MMP26: variants seen among roughly 807,000 people sequenced by gnomAD.
MMP26 encodes the protein matrix metallopeptidase 26, also known as matrix metalloproteinase-26.
In MMP26, 33 loss-of-function variants were observed where a neutral mutation model predicts 31.0. That is an observed-to-expected ratio of 1.06 (90% confidence interval 0.81 to 1.42). The LOEUF is 1.42. Among genes scored for constraint, MMP26 ranks in the 40% most tolerant of loss-of-function variants. MMP26 has a pLI of 0.00. For missense variants in MMP26, 347 were observed against 316.1 expected, an observed-to-expected ratio of 1.10 and a Z score of -0.74; for synonymous variants, 122 against 114.9, an observed-to-expected ratio of 1.06 and a Z score of -0.40.
intron 2 of MMP26, among the ~76,000 whole-genome samples, chr11:4,792,977 T>C (rs777192155): frequency 3.3e-5 from 5 of 152,138 alleles, no homozygotes; most frequent in Non-Finnish European, 7.4e-5. Flanking sequence ...AACAAGCAAC[T>C]AAAATTAGAG....
Position 4,907,095 on chromosome 11 carries a change from T to TAAAAAA in MMP26, c.-144-80958_-144-80953dup, listed in dbSNP as rs3065178. Among the ~76,000 whole-genome samples the TAAAAAA allele has an allele frequency of 9.1e-4, 50 of 55,122 alleles. 2 individuals carry two copies. The highest frequency in any genetic ancestry group is 2.7e-3 in the African/African-American group (41 of 15,274). The allele number at this position is 55,122 out of a possible 152,430, so 36.2% of individuals were successfully genotyped here. On this transcript the variant is annotated intron_variant, in intron 2 of 7. Transcript: ENST00000380390. ...TGGGCAACAAGAGCAAAACTCCCTC[T>TAAAAAA]AAAAAAAAAAAAAAAAAAAATCCTA...
rs145824671 is a variant in MMP26, at chr11:4,823,846, A to T, written c.-145+56505A>T. Among the ~76,000 whole-genome samples the T allele has an allele frequency of 4.3e-3, 651 of 152,286 alleles. 4 individuals are homozygous for T. The highest frequency in any genetic ancestry group is 0.013 in the African/African-American group (543 of 41,570). On this transcript the variant is annotated intron_variant, in intron 2 of 7. Coordinates refer to ENST00000380390, the MANE Select transcript of MMP26 (RefSeq NM_021801.5). ...TAACCACAAGTAAAGCCGAAAAATT[A>T]TTGGGCTGACTATGAGATAAACGTT... is the stretch of plus-strand genomic sequence containing the variant.
At chr11:4,889,863 T>C (rs1227087332) in intron 2 of MMP26, 1 of 162,458 alleles carries the variant, frequency 6.2e-6, no homozygotes, top group Non-Finnish European at 1.4e-5. Flanking sequence ...CCAATTCCCA[T>C]GATCGTCTTC....
At chr11:4,761,812 TGCC>T (rs1848571727) in intron 1 of MMP26, among the ~76,000 whole-genome samples, 2 of 152,200 alleles carry the variant, frequency 1.3e-5, no homozygotes, top group African/African-American at 4.8e-5. Context: ...AATAGCATAA[TGCC>T]AGTTCCATAG....
At position 4,723,238 on chromosome 11, in the gene MMP26, C is replaced by T. The variant is rs1848043284; in HGVS notation, c.-217+18193C>T. On this transcript the variant is annotated intron_variant, in intron 1 of 7. Coordinates refer to ENST00000380390, the MANE Select transcript of MMP26 (RefSeq NM_021801.5). ...TGAGGCCCTCAATCTCAGCCTGGAG[C>T]CGGCTGATGTTCCAGTTCATCTTGC... is the stretch of plus-strand genomic sequence containing the variant. 1.4e-5 allele frequency: 18 copies of T among 1,272,078 alleles called. No individual in the cohort carries two copies. The South Asian group carries it at 2.2e-4, about 15-fold the overall frequency. The allele number at this position is 1,272,078 out of a possible 1,614,324, so 78.8% of individuals were successfully genotyped here.
intron 2 of MMP26, chr11:4,924,491 C>T: frequency 2.7e-6 from 2 of 749,452 alleles, no homozygotes; most frequent in Non-Finnish European, 2.1e-6. Flanking sequence ...GGGGGCTGAT[C>T]TATTAGCCTT....
chr11:4,804,129 C>A, intron 2 of MMP26: 1 of 1,614,070 alleles, frequency 6.2e-7, no homozygotes, highest in Non-Finnish European at 8.5e-7. Context: ...ATATGGCCAA[C>A]ATCTTAGGTT....
At chr11:4,946,784 A>G (rs779960858) in intron 2 of MMP26, 2 of 1,587,870 alleles carry the variant, frequency 1.3e-6, no homozygotes, top group South Asian at 2.2e-5. Context: ...GAATCCATGA[A>G]TGAAGAATTC....
chr11:4,959,913 C>G (rs574297553), intron 2 of MMP26, among the ~76,000 whole-genome samples: 38 of 152,014 alleles, frequency 2.5e-4, no homozygotes, highest in African/African-American at 9.2e-4. Flanking sequence ...TATCTTTTTT[C>G]TCACCTTTAG....
chr11:4,897,181 C>A (rs1850718153), intron 2 of MMP26, among the ~76,000 whole-genome samples: 1 of 152,100 alleles, frequency 6.6e-6, no homozygotes, highest in Non-Finnish European at 1.5e-5. Flanking sequence ...CACTCTGTCG[C>A]CCGGCTGGAG....
intron 2 of MMP26, chr11:4,943,286 A>G (rs565992285): frequency 3.7e-6 from 1 of 271,078 alleles, no homozygotes; most frequent in East Asian, 9.3e-5. Flanking sequence ...TCATCTTTGT[A>G]CACTTTCATG....
intron 6 of MMP26, 28 bp from the exon 7 acceptor site, chr11:4,991,931 AATTTT>A: frequency 6.5e-7 from 1 of 1,530,950 alleles, no homozygotes; most frequent in Admixed American, 2.1e-5. Flanking sequence ...ATGCATAGTT[AATTTT>A]ATCTTTTTTT....
At chr11:4,784,342 A>G (rs772444072) in intron 2 of MMP26, among the ~76,000 whole-genome samples, 1 of 152,222 alleles carries the variant, frequency 6.6e-6, no homozygotes, top group African/African-American at 2.4e-5. Context: ...GCCTTAAAAG[A>G]TACTCTAGTG....
chr11:4,706,621 A>G (rs1186249625), intron 1 of MMP26, among the ~76,000 whole-genome samples: 121 of 140,146 alleles, frequency 8.6e-4, no homozygotes, highest in African/African-American at 3.3e-3. Flanking sequence ...AGAAAGAAAG[A>G]AAAGAACACT....
At chr11:4,737,885 C>T (rs1339837098) in intron 1 of MMP26, among the ~76,000 whole-genome samples, 1 of 152,208 alleles carries the variant, frequency 6.6e-6, no homozygotes, top group East Asian at 1.9e-4. Flanking sequence ...AAAAACTCTA[C>T]TGCATGGTGC....
intron 2 of MMP26, chr11:4,882,810 C>G: frequency 6.2e-7 from 1 of 1,613,850 alleles, no homozygotes; most frequent in Non-Finnish European, 8.5e-7. Context: ...ATCCGCCAGG[C>G]TATGTTCCAG....
intron 2 of MMP26, among the ~76,000 whole-genome samples, chr11:4,774,488 T>G (rs1015555741): frequency 6.6e-6 from 1 of 152,190 alleles, no homozygotes; most frequent in African/African-American, 2.4e-5. Context: ...GTTTTTGTCT[T>G]GTGAATTTGT....
At chr11:4,977,720 A>T (rs1201046059) in intron 2 of MMP26, among the ~76,000 whole-genome samples, 1 of 152,038 alleles carries the variant, frequency 6.6e-6, no homozygotes, top group Non-Finnish European at 1.5e-5. Context: ...CGACAGGTGA[A>T]CTGTTAGTGG....
rs763958859 is a variant in MMP26 at position 4,804,409 on chromosome 11, A to T, written c.-145+37068A>T. ...CTGGTTAATATGGTCTCTGCTGGGA[A>T]CGCAATCTACTCTCTGCAGATGATA... On this transcript the variant is annotated intron_variant, in intron 2 of 7. Coordinates refer to ENST00000380390, the MANE Select transcript of MMP26 (RefSeq NM_021801.5). 2.0e-6 allele frequency: 3 copies of T among 1,497,282 alleles called. No homozygotes were observed. The South Asian group carries it at 3.4e-5, about 17-fold the overall frequency. 92.7% of individuals were successfully genotyped at this position (1,497,282 alleles called of 1,614,324 possible). A position where few individuals can be genotyped will look rare whatever the true frequency, so the allele number is the denominator to read the frequency against.
Sources: gnomAD v4.1 joint callset for allele counts (sites outside exome capture counted in the v4.1 genomes callset) on GRCh38, gnomAD v4.1.1 for gene constraint, MANE v1.5 for transcripts, NCBI Gene and HGNC (gene_info 2026-07-23, HGNC 2026-07-21) for gene names.